ZNF701: variants seen among roughly 807,000 people sequenced by gnomAD.
ZNF701 encodes the protein zinc finger protein 701.
A neutral mutation model predicts 7.1 loss-of-function variants in ZNF701; 6 were observed. The ratio of observed to expected loss-of-function variants is 0.84; its 90% confidence interval spans 0.46 to 1.66. The LOEUF is 1.66. Among genes scored for constraint, ZNF701 ranks in the 40% most tolerant of loss-of-function variants. The probability of loss-of-function intolerance (pLI) is 0.01; values close to 1 mark genes in which losing one functional copy is unlikely to be tolerated. For synonymous variants in ZNF701, 166 were observed against 188.2 expected (o/e 0.88, Z 0.97); for missense variants, 541 against 559.2 (o/e 0.97, Z 0.33).
intron 2 of ZNF701, 125 bp downstream of exon 2, chr19:52,574,287 C>A (rs1349865455): frequency 2.7e-6 from 4 of 1,454,762 alleles, no homozygotes; most frequent in African/African-American, 2.8e-5. Context: ...TCAACTCATG[C>A]CTTCCCTCAG....
At chr19:52,597,552 G>A in the ZNF701 span, 1 of 366,692 alleles carries the variant, frequency 2.7e-6, no homozygotes, top group East Asian at 7.2e-5. Context: ...TTTATGTTAA[G>A]AAGATTGGGC....
chr19:52,574,092 A>T lies in ZNF701; in HGVS notation c.-56A>T. The stretch of plus-strand genomic sequence containing the variant: ...TAACATTCAGGATTGACTTCTAAAG[A>T]CTTGGTACGTGAGGAAAAAACACGG... On this transcript the variant is annotated 5_prime_UTR_variant, in exon 2 of 4. Coordinates refer to ENST00000391785, the MANE Select transcript of ZNF701 (RefSeq NM_018260.3). The T allele has an allele frequency of 1.2e-6, 2 of 1,612,218 alleles. No individual in the cohort carries two copies. Among genetic ancestry groups the T allele is most frequent in the Non-Finnish European group, 1.7e-6 (2 of 1,179,340 alleles).
At position 52,584,449 on chromosome 19, in the gene ZNF701, A is replaced by G. The variant is rs1019588819; in HGVS notation, c.*992A>G. On this transcript the variant is annotated 3_prime_UTR_variant, in exon 4 of 4. Transcript: ENST00000391785. Reference sequence around the variant, plus strand: ...TCAGCCTGGCCAACAGACGTGAGTCACTTTTCCCAGCCTGCTTTTTGTTTC... The same window carrying G: ...TCAGCCTGGCCAACAGACGTGAGTCGCTTTTCCCAGCCTGCTTTTTGTTTC... The G allele has an allele frequency of 3.3e-5, 5 of 152,974 alleles. No individual in the cohort carries two copies. The highest frequency in any genetic ancestry group is 1.9e-4 in the East Asian group (1 of 5,208). The allele number at this position is 152,974 out of a possible 1,614,324, so 9.5% of individuals were successfully genotyped here. A position where few individuals can be genotyped will look rare whatever the true frequency, so the allele number is the denominator to read the frequency against.
intron 3 of ZNF701, among the ~76,000 whole-genome samples, chr19:52,576,223 G>A (rs567823131): frequency 1.3e-5 from 2 of 152,218 alleles, no homozygotes; most frequent in Non-Finnish European, 2.9e-5. Context: ...CTCAGTGGGG[G>A]TTCCAGAAGT....
rs1029252754 is a variant in ZNF701, at chr19:52,573,987, C to T, written c.-71-90C>T. 1.6e-5 allele frequency: 22 copies of T among 1,356,346 alleles called. No homozygotes were observed. The African/African-American group carries it at 3.2e-4, about 20-fold the overall frequency. The allele number at this position is 1,356,346 out of a possible 1,614,324, so 84.0% of individuals were successfully genotyped here. On this transcript the variant is annotated intron_variant, in intron 1 of 3. Transcript: ENST00000391785. Reference sequence around the variant, plus strand: ...GGCAGCAGAGGTGACCATATTTTTTCAGAGTGAGGGCACCTTTGTATGTGT... The same window carrying T: ...GGCAGCAGAGGTGACCATATTTTTTTAGAGTGAGGGCACCTTTGTATGTGT...
the ZNF701 span, among the ~76,000 whole-genome samples, chr19:52,600,077 G>A: frequency 6.6e-6 from 1 of 152,078 alleles, no homozygotes; most frequent in African/African-American, 2.4e-5. Flanking sequence ...CAAACTCTTA[G>A]CTCTTTTCCT....
chr19:52,585,966 T>C lies in ZNF701; in HGVS notation c.*2509T>C, dbSNP rs1320965204. ...TGGGGTTTTTCCTTTTAGTCTAGTT[T>C]TGGAAAGTTCGCGTTAATTGGTTTT... On this transcript the variant is annotated 3_prime_UTR_variant, in exon 4 of 4. Transcript: ENST00000391785. The C allele has an allele frequency of 6.6e-6, 1 of 152,138 alleles. No homozygotes were observed. The highest frequency in any genetic ancestry group is 1.5e-5 in the Non-Finnish European group (1 of 68,078). The allele number at this position is 152,138 out of a possible 1,614,324, so 9.4% of individuals were successfully genotyped here. A position where few individuals can be genotyped will look rare whatever the true frequency, so the allele number is the denominator to read the frequency against.
At chr19:52,589,882 C>T (rs1391235657), downstream of ZNF701, among the ~76,000 whole-genome samples, 3 of 151,878 alleles carry the variant, frequency 2.0e-5, no homozygotes, top group Non-Finnish European at 4.4e-5. Flanking sequence ...CAGCCTTTGT[C>T]ACCTGGGTTT....
chr19:52,577,271 TG>T, intron 3 of ZNF701, among the ~76,000 whole-genome samples: 1 of 152,226 alleles, frequency 6.6e-6, no homozygotes, highest in Non-Finnish European at 1.5e-5. Context: ...AGCTAATTTT[TG>T]TGTTTTTAGT....
At chr19:52,595,053 C>G in the ZNF701 span, among the ~76,000 whole-genome samples, 65,910 of 151,342 alleles carry the variant, frequency 0.44, 14,297 homozygotes, top group Middle Eastern at 0.47. Context: ...ATGATCTCCA[C>G]TCACTGCAAC....
intron 1 of ZNF701, among the ~76,000 whole-genome samples, chr19:52,571,233 T>TGAGAGAGAGAGA (rs3837922): frequency 1.4e-5 from 2 of 142,050 alleles, no homozygotes; most frequent in African/African-American, 5.2e-5. Context: ...CTCATCAGAG[T>TGAGAGAGAGAGA]GAGAGAGAGA....
intron 3 of ZNF701, among the ~76,000 whole-genome samples, chr19:52,578,451 G>A (rs1025798956): frequency 4.6e-5 from 7 of 151,958 alleles, no homozygotes; most frequent in African/African-American, 7.2e-5. Flanking sequence ...AAATATCAGC[G>A]CACCCAGCTG....
chr19:52,583,908 A>G lies in ZNF701; in HGVS notation c.*451A>G. 2 of 415,338 alleles carry G rather than the reference A, an allele frequency of 4.8e-6. No homozygotes were observed. The highest frequency in any genetic ancestry group is 9.6e-6 in the Non-Finnish European group (2 of 209,158). 25.7% of individuals were successfully genotyped at this position (415,338 alleles called of 1,614,324 possible). A position where few individuals can be genotyped will look rare whatever the true frequency, so the allele number is the denominator to read the frequency against. On this transcript the variant is annotated 3_prime_UTR_variant, in exon 4 of 4. Transcript: ENST00000391785. ...AAATGTGGCAAGTTTTTCAGACATC[A>G]TTCATAACTTGCAGTTCATTGGCGA...
In ZNF701 at chr19:52,583,203, T is replaced by G; in HGVS notation, c.1144T>G (p.Tyr382Asp). Residue 382 changes from tyrosine to aspartate, a missense_variant, in exon 4 of 4, where the codon TAC (tyrosine) becomes GAC (aspartate). Tyr to Asp is a radical substitution (Grantham distance 160). Transcript: ENST00000391785. ...TGTAATTCACACTGGAGAGAAACCTTACAAGTGTAATGAGTGTGGCAAGAC... is the reference window on the plus strand; with the variant it reads ...TGTAATTCACACTGGAGAGAAACCTGACAAGTGTAATGAGTGTGGCAAGAC... ...HTVIHTGEKPYKCNECGKTFV... is the reference protein window; with the variant it reads ...HTVIHTGEKPDKCNECGKTFV... 6.2e-7 allele frequency: 1 copy of G among 1,609,992 alleles called. No homozygotes were observed. The highest frequency in any genetic ancestry group is 1.3e-5 in the African/African-American group (1 of 74,942).
the ZNF701 span, among the ~76,000 whole-genome samples, chr19:52,599,671 T>G: frequency 1.6e-4 from 25 of 152,348 alleles, no homozygotes; most frequent in South Asian, 4.4e-3. Context: ...CGTCTCTACT[T>G]GGGAACGCTG....
the ZNF701 span, chr19:52,597,008 A>T: frequency 8.5e-7 from 1 of 1,181,462 alleles, no homozygotes; most frequent in Non-Finnish European, 1.2e-6. Flanking sequence ...AACTTTGCAA[A>T]TGTAATGATT....
At position 52,585,749 on chromosome 19, in the gene ZNF701, C is replaced by G. The variant is rs939370311; in HGVS notation, c.*2292C>G. 2.2e-5 allele frequency: 3 copies of G among 138,494 alleles called. No individual in the cohort carries two copies. In the South Asian group the frequency reaches 7.8e-4, roughly 36 times the overall value. The allele number at this position is 138,494 out of a possible 1,614,324, so 8.6% of individuals were successfully genotyped here. On this transcript the variant is annotated 3_prime_UTR_variant, in exon 4 of 4. Transcript: ENST00000391785. ...CCTTATCTGGATGAAGAATTTGGCC[C>G]TTGGCCAAGGAAATAACTGAGGTAA...
chr19:52,594,705 G>A, the ZNF701 span, among the ~76,000 whole-genome samples: 1 of 150,812 alleles, frequency 6.6e-6, no homozygotes, highest in Admixed American at 6.6e-5. Context: ...TAGAGACAGG[G>A]TTTCTCCATG....
chr19:52,570,658 C>G (rs928144780), intron 1 of ZNF701: 1 of 152,266 alleles, frequency 6.6e-6, no homozygotes, highest in Non-Finnish European at 1.5e-5. Context: ...GCCTGGGCGC[C>G]TCCCAGTCTC....
Sources: allele counts gnomAD v4.1 joint callset (sites outside exome capture counted in the v4.1 genomes callset), GRCh38; gene constraint gnomAD v4.1.1; transcripts MANE v1.5; gene names NCBI Gene and HGNC (gene_info 2026-07-23, HGNC 2026-07-21).